Variants in TRPC1 observed in about 807,000 individuals in gnomAD.
TRPC1 encodes transient receptor potential cation channel subfamily C member 1.
Under a neutral mutation model 88.2 loss-of-function variants are expected in TRPC1, and 42 were observed. That is an observed-to-expected ratio of 0.48 (90% CI 0.37 to 0.62). The LOEUF is 0.62. Ranked by LOEUF, TRPC1 falls within the 20% of genes least tolerant of loss-of-function variation. The pLI is 0.00. For synonymous variants in TRPC1, 288 were observed against 331.8 expected, an observed-to-expected ratio of 0.87 and a Z score of 1.43; for missense variants, 699 against 957.3, an observed-to-expected ratio of 0.73 and a Z score of 3.56.
intron 1 of TRPC1, among the ~76,000 whole-genome samples, chr3:142,734,775 A>G (rs1391325676): frequency 6.7e-6 from 1 of 149,880 alleles, no homozygotes; most frequent in Non-Finnish European, 1.5e-5. Context: ...TCATCTCTAT[A>G]AAAAATAAAA....
intron 4 of TRPC1, among the ~76,000 whole-genome samples, chr3:142,754,089 CAAAAAAAAAAAAAAA>C (rs10609600): frequency 1.2e-5 from 1 of 86,154 alleles, no homozygotes; most frequent in Non-Finnish European, 2.3e-5. Flanking sequence ...GACTCCGTCT[CAAAAAAAAAAAAAAA>C]AAAAAAAAAG....
chr3:142,757,929 C>T (rs1480230141), intron 4 of TRPC1, among the ~76,000 whole-genome samples: 1 of 152,026 alleles, frequency 6.6e-6, no homozygotes, highest in Non-Finnish European at 1.5e-5. Context: ...AATGGGGTAT[C>T]CATCCCCTCA....
intron 2 of TRPC1, among the ~76,000 whole-genome samples, chr3:142,737,574 C>T (rs1214787884): frequency 6.6e-6 from 1 of 151,990 alleles, no homozygotes; most frequent in Non-Finnish European, 1.5e-5. Context: ...TATTTTTTCT[C>T]ATTTTAGTTT....
At chr3:142,785,987 T>C (rs1379591406) in intron 7 of TRPC1, among the ~76,000 whole-genome samples, 1 of 152,216 alleles carries the variant, frequency 6.6e-6, no homozygotes, top group Non-Finnish European at 1.5e-5. Context: ...AAATTATTTT[T>C]ATAAGTATTA....
At chr3:142,769,057 T>G (rs1161948872) in intron 4 of TRPC1, among the ~76,000 whole-genome samples, 1 of 152,172 alleles carries the variant, frequency 6.6e-6, no homozygotes, top group African/African-American at 2.4e-5. Flanking sequence ...AGCTTTAGCA[T>G]TCTCAGTATG....
At chr3:142,753,584 G>A (rs979242590) in intron 4 of TRPC1, among the ~76,000 whole-genome samples, 2 of 151,966 alleles carry the variant, frequency 1.3e-5, no homozygotes, top group African/African-American at 4.8e-5. Flanking sequence ...GGCCAACTTG[G>A]TGAAACCTCG....
Position 142,736,390 on chromosome 3 carries a change from A to G in TRPC1, c.184A>G (p.Met62Val). The part of the protein sequence containing the change: ...LLACDKGDYY[M>V]VKKILEENSS... Reference sequence around the variant, plus strand: ...ATATTGTTATTTAGGTGACTATTATATGGTTAAAAAGATTTTGGAGGAAAA... The same window carrying G: ...ATATTGTTATTTAGGTGACTATTATGTGGTTAAAAAGATTTTGGAGGAAAA... The change falls in exon 2 of 13, where the codon ATG becomes GTG. Residue 62 changes from methionine to valine, a missense_variant. Met to Val is a conservative substitution (Grantham distance 21, BLOSUM62 1). Around this residue, in one of 4 missense-constraint regions of TRPC1, gnomAD observed 157 missense variants for 127.0 expected, o/e 1.24. Transcript: ENST00000476941. The G allele has an allele frequency of 1.2e-6, 2 of 1,603,830 alleles. No homozygotes were observed. The highest frequency in any genetic ancestry group is 3.3e-4 in the Middle Eastern group (2 of 6,032).
chr3:142,756,357 G>T (rs1243239258), intron 4 of TRPC1, among the ~76,000 whole-genome samples: 1 of 149,844 alleles, frequency 6.7e-6, no homozygotes, highest in Non-Finnish European at 1.5e-5. Flanking sequence ...AAGGTATGAT[G>T]GTTCTTTTTT....
intron 2 of TRPC1, among the ~76,000 whole-genome samples, chr3:142,738,198 G>A (rs1258296172): frequency 6.6e-6 from 1 of 152,072 alleles, no homozygotes. Context: ...AATTAGTAAG[G>A]ACAAGACAAA....
rs375239219 is a variant in TRPC1 at position 142,801,049 on chromosome 3, AATAT to A, written c.1582-1119_1582-1116del. 5.9e-3 allele frequency among the ~76,000 whole-genome samples: 900 copies of A among 152,234 alleles called. 8 individuals carry two copies. The highest frequency in any genetic ancestry group is 0.02 in the African/African-American group (851 of 41,538). ...GCATATTAAAGCATATCTATATTAAAATATGTATCTTGTCTATCCTTTAACAAAA... is the reference window on the plus strand; with the variant it reads ...GCATATTAAAGCATATCTATATTAAAGTATCTTGTCTATCCTTTAACAAAA... On this transcript the variant is annotated intron_variant, in intron 9 of 12. Coordinates refer to ENST00000476941, the MANE Select transcript of TRPC1 (RefSeq NM_001251845.2).
intron 8 of TRPC1, 102 bp downstream of exon 8, chr3:142,791,260 T>C (rs1282481419): frequency 9.8e-7 from 1 of 1,025,022 alleles, no homozygotes; most frequent in South Asian, 2.1e-5. Context: ...GCCAGATCAG[T>C]GTCTGGTGTG....
rs1172341948 is a variant in TRPC1 at position 142,736,547 on chromosome 3, T to C, written c.327+14T>C. The C allele has an allele frequency of 5.7e-6, 9 of 1,582,130 alleles. No individual in the cohort carries two copies. Among genetic ancestry groups the C allele is most frequent in the South Asian group, 2.3e-5 (2 of 85,304 alleles). On this transcript the variant is annotated intron_variant, in intron 2 of 12. Transcript: ENST00000476941. ...TACGGTTGTCAGGTACAAGGCTAGA[T>C]AATTTAATCCAGTTAACTTCTAAGT...
intron 4 of TRPC1, among the ~76,000 whole-genome samples, chr3:142,777,211 G>A (rs1177374604): frequency 6.6e-6 from 1 of 152,086 alleles, no homozygotes; most frequent in East Asian, 1.9e-4. Flanking sequence ...TGAAGTGGGA[G>A]GATCCCTTGG....
intron 4 of TRPC1, among the ~76,000 whole-genome samples, chr3:142,761,078 A>T (rs1212649544): frequency 6.6e-6 from 1 of 151,886 alleles, no homozygotes; most frequent in East Asian, 1.9e-4. Context: ...GATACTCTTT[A>T]TCTCTTTGTC....
chr3:142,755,260 T>C (rs1173316425), intron 4 of TRPC1, among the ~76,000 whole-genome samples: 2 of 151,984 alleles, frequency 1.3e-5, no homozygotes, highest in East Asian at 3.9e-4. Flanking sequence ...CCATCTCTAC[T>C]ACAAATACAA....
chr3:142,748,558 T>C (rs1934640334), intron 4 of TRPC1, 98 bp downstream of exon 4: 1 of 1,328,570 alleles, frequency 7.5e-7, no homozygotes, highest in African/African-American at 1.4e-5. Context: ...TTAAGAAATG[T>C]GATGCTGGGG....
At chr3:142,770,622 G>C (rs1407053309) in intron 4 of TRPC1, among the ~76,000 whole-genome samples, 1 of 152,072 alleles carries the variant, frequency 6.6e-6, no homozygotes, top group Non-Finnish European at 1.5e-5. Context: ...AAAAAATCTA[G>C]TCTGACAGCT....
intron 2 of TRPC1, among the ~76,000 whole-genome samples, chr3:142,740,454 T>G (rs1934303570): frequency 6.6e-6 from 1 of 152,166 alleles, no homozygotes; most frequent in South Asian, 2.1e-4. Flanking sequence ...CAGTAAGCTG[T>G]CAGGGCCATG....
At chr3:142,787,067 T>C (rs1055217201) in intron 7 of TRPC1, among the ~76,000 whole-genome samples, 3 of 152,230 alleles carry the variant, frequency 2.0e-5, no homozygotes, top group Non-Finnish European at 4.4e-5. Context: ...CACGTATATA[T>C]ACATGGGTAC....
Sources: gnomAD v4.1 joint callset for allele counts (sites outside exome capture counted in the v4.1 genomes callset) on GRCh38, gnomAD v4.1.1 for gene constraint, gnomAD v4.1.1 regional missense constraint, MANE v1.5 for transcripts, NCBI Gene and HGNC (gene_info 2026-07-23, HGNC 2026-07-21) for gene names.